Variants in CCDC7 observed in about 807,000 individuals in gnomAD.
CCDC7 encodes the protein coiled-coil domain-containing protein 7.
Under a neutral mutation model 196.9 loss-of-function variants are expected in CCDC7, and 183 were observed. That is an observed-to-expected ratio of 0.93 (90% CI 0.82 to 1.05). CCDC7 has a LOEUF of 1.05. CCDC7 is among the 50% of genes least tolerant of loss of function. CCDC7 has a pLI of 0.00. For missense variants in CCDC7, 1,540 were observed against 1,482.2 expected, an observed-to-expected ratio of 1.04 and a Z score of -0.64; for synonymous variants, 525 against 484.6, an observed-to-expected ratio of 1.08 and a Z score of -1.10.
chr10:32,658,399 G>A (rs916001892), intron 20 of CCDC7, among the ~76,000 whole-genome samples: 14 of 151,984 alleles, frequency 9.2e-5, no homozygotes, highest in African/African-American at 3.4e-4. Flanking sequence ...TCACAAGGTG[G>A]CAGGAGAGAG....
chr10:32,870,111 G>A (rs2136763755), intron 41 of CCDC7, among the ~76,000 whole-genome samples: 1 of 152,128 alleles, frequency 6.6e-6, no homozygotes, highest in East Asian at 1.9e-4. Context: ...CTTTAAAGTA[G>A]TTTTTTCCAA....
At chr10:32,517,968 T>C in exon 10 of CCDC7, 1 of 1,589,152 alleles carries the variant, frequency 6.3e-7, no homozygotes, top group Non-Finnish European at 8.6e-7. Flanking sequence ...CAAGTTTTGT[T>C]AGATGCTGTA....
chr10:32,594,640 G>C (rs1175542470), intron 18 of CCDC7, among the ~76,000 whole-genome samples: 2 of 152,146 alleles, frequency 1.3e-5, no homozygotes, highest in Non-Finnish European at 2.9e-5. Flanking sequence ...TTTTCAAAGG[G>C]AACACTTCCA....
At chr10:32,565,732 C>A (rs1455160014) in intron 14 of CCDC7, 112 bp downstream of exon 15, 2 of 1,151,550 alleles carry the variant, frequency 1.7e-6, no homozygotes, top group African/African-American at 1.6e-5. Context: ...ACATATTCTA[C>A]TATTTGGCTA....
intron 13 of CCDC7, 139 bp downstream of exon 14, chr10:32,544,440 AC>A: frequency 1.4e-6 from 1 of 729,580 alleles, no homozygotes; most frequent in South Asian, 5.1e-5. Context: ...GTGTGTGTGT[AC>A]TAAAATTCTT....
At chr10:32,830,497 A>G (rs1334356627) in intron 32 of CCDC7, among the ~76,000 whole-genome samples, 1 of 152,112 alleles carries the variant, frequency 6.6e-6, no homozygotes, top group African/African-American at 2.4e-5. Flanking sequence ...AATAATTCTT[A>G]TAAATATTTA....
intron 21 of CCDC7, among the ~76,000 whole-genome samples, chr10:32,668,636 T>C (rs1046402909): frequency 2.6e-5 from 4 of 152,136 alleles, no homozygotes; most frequent in South Asian, 2.1e-4. Context: ...AATCATGTGG[T>C]TTTTGTCTTT....
intron 28 of CCDC7, among the ~76,000 whole-genome samples, chr10:32,748,375 A>C (rs912814713): frequency 6.6e-6 from 1 of 152,198 alleles, no homozygotes; most frequent in Admixed American, 6.5e-5. Flanking sequence ...AAAGTAAAAC[A>C]TGTAACTTTT....
chr10:32,518,268 T>C, intron 10 of CCDC7, 148 bp from the exon 12 acceptor site: 3 of 789,290 alleles, frequency 3.8e-6, no homozygotes, highest in South Asian at 4.0e-5. Context: ...TCAGCTCCAA[T>C]TATTGTGTCA....
intron 18 of CCDC7, chr10:32,623,579 C>G: frequency 2.8e-6 from 1 of 357,792 alleles, no homozygotes; most frequent in South Asian, 2.1e-5. Context: ...CTGCTTCTCC[C>G]TTAGTTGCCT....
chr10:32,664,303 T>C (rs1360893469), intron 21 of CCDC7, 142 bp downstream of exon 22: 2 of 358,884 alleles, frequency 5.6e-6, no homozygotes, highest in African/African-American at 2.1e-5. Context: ...AATTTAAATA[T>C]AAATTGTGGA....
At chr10:32,703,412 G>GAAA (rs2079108178) in intron 24 of CCDC7, among the ~76,000 whole-genome samples, 1 of 151,956 alleles carries the variant, frequency 6.6e-6, no homozygotes, top group African/African-American at 2.4e-5. Context: ...TTCCCTTTGT[G>GAAA]GGTAACGCGA....
exon 39 of CCDC7, chr10:32,848,614 A>G (rs1253844529): frequency 1.3e-6 from 2 of 1,499,452 alleles, no homozygotes; most frequent in African/African-American, 2.7e-5. Context: ...TTATTTAAAA[A>G]CAAAGATATG....
At chr10:32,505,290 C>T (rs888837741) in intron 9 of CCDC7, among the ~76,000 whole-genome samples, 3 of 151,992 alleles carry the variant, frequency 2.0e-5, no homozygotes, top group South Asian at 4.1e-4. Flanking sequence ...CAGATAAACA[C>T]GTGAACAAAG....
At chr10:32,771,565 T>C (rs995092962) in intron 28 of CCDC7, among the ~76,000 whole-genome samples, 3 of 152,228 alleles carry the variant, frequency 2.0e-5, no homozygotes, top group Non-Finnish European at 4.4e-5. Context: ...AGATTTCTTC[T>C]AACTGCCCAG....
intron 29 of CCDC7, among the ~76,000 whole-genome samples, chr10:32,781,608 C>T (rs998104390): frequency 2.0e-5 from 3 of 152,152 alleles, no homozygotes; most frequent in African/African-American, 4.8e-5. Flanking sequence ...ATTCAATACC[C>T]TTTCACGTAA....
chr10:32,648,822 G>A (rs2068213158), intron 20 of CCDC7, among the ~76,000 whole-genome samples: 2 of 152,118 alleles, frequency 1.3e-5, no homozygotes, highest in African/African-American at 4.8e-5. Flanking sequence ...TTTGAGAAGT[G>A]TCTGTTAATG....
At chr10:32,797,561 A>G (rs2083860210) in intron 29 of CCDC7, among the ~76,000 whole-genome samples, 1 of 150,998 alleles carries the variant, frequency 6.6e-6, no homozygotes, top group Admixed American at 6.6e-5. Flanking sequence ...AATTGGGTGC[A>G]GTGTATACTG....
chr10:32,782,513 C>T (rs2081221343), intron 29 of CCDC7, among the ~76,000 whole-genome samples: 1 of 152,276 alleles, frequency 6.6e-6, no homozygotes, highest in Middle Eastern at 3.4e-3. Context: ...CAGGCATGAG[C>T]CACCGTGCCC....
Sources: allele counts gnomAD v4.1 joint callset (sites outside exome capture counted in the v4.1 genomes callset), GRCh38; gene constraint gnomAD v4.1.1; transcripts MANE v1.5; gene names NCBI Gene and HGNC (gene_info 2026-07-23, HGNC 2026-07-21).